SLC12A2: variants seen among roughly 807,000 people sequenced by gnomAD.
SLC12A2 encodes the protein Na-K-2Cl cotransporter 1.
A neutral mutation model predicts 136.3 loss-of-function variants in SLC12A2; 67 were observed. That is an observed-to-expected ratio of 0.49 (90% confidence interval 0.40 to 0.60). The LOEUF (loss-of-function observed/expected upper bound fraction) is 0.60, where lower values mean the gene tolerates loss of function less well. Among genes scored for constraint, SLC12A2 ranks in the 20% least tolerant of loss-of-function variants. The pLI, the probability that SLC12A2 is intolerant of heterozygous loss-of-function variation, is 0.00. For missense variants in SLC12A2, 1,322 were observed against 1,534.7 expected (o/e 0.86, Z 2.32); for synonymous variants, 619 against 562.9 (o/e 1.10, Z -1.41).
rs70997365 is a variant in SLC12A2 at position 128,179,948 on chromosome 5, C to CTTTTT, written c.3101-900_3101-896dup. Among the ~76,000 whole-genome samples, 15 of 50,482 alleles carry CTTTTT rather than the reference C, an allele frequency of 3.0e-4. 6 individuals carry two copies. The highest frequency in any genetic ancestry group is 4.0e-4 in the Non-Finnish European group (10 of 24,896). 33.1% of individuals were successfully genotyped at this position (50,482 alleles called of 152,430 possible). On this transcript the variant is annotated intron_variant, in intron 22 of 26. Coordinates refer to ENST00000262461, the MANE Select transcript of SLC12A2 (RefSeq NM_001046.3). The stretch of plus-strand genomic sequence containing the variant: ...TCCATTTATCATGTCCCAATCGTTC[C>CTTTTT]TTTTTTTTTTTTTTTTTTTTTTTTT...
At chr5:128,128,210 T>G (rs1430199326) in intron 4 of SLC12A2, among the ~76,000 whole-genome samples, 1 of 152,202 alleles carries the variant, frequency 6.6e-6, no homozygotes, top group Non-Finnish European at 1.5e-5. Flanking sequence ...ACTTTATGAC[T>G]GAAACCAGTT....
At chr5:128,127,791 C>T (rs989620016) in intron 4 of SLC12A2, among the ~76,000 whole-genome samples, 5 of 151,656 alleles carry the variant, frequency 3.3e-5, no homozygotes, top group African/African-American at 1.2e-4. Flanking sequence ...TGCTTTCATT[C>T]CTAATTTACT....
At chr5:128,168,120 A>G (rs1362602412) in intron 18 of SLC12A2, 22 of 272,114 alleles carry the variant, frequency 8.1e-5, no homozygotes, top group Middle Eastern at 1.1e-3. Flanking sequence ...ATGTATATGT[A>G]TATATGTATA....
rs1366320896 is a variant in SLC12A2 at position 128,110,893 on chromosome 5, A to C, written c.757-1921A>C. On this transcript the variant is annotated intron_variant, in intron 1 of 26. Coordinates refer to ENST00000262461, the MANE Select transcript of SLC12A2 (RefSeq NM_001046.3). ...CCAGGAATATGCCAATTTACAAGTG[A>C]GTGGGCCGCAAATCTGAGAGGGCAT... 4 of 1,129,812 alleles carry C rather than the reference A, an allele frequency of 3.5e-6. No homozygotes were observed. The East Asian group carries it at 9.4e-5, about 27-fold the overall frequency. The allele number at this position is 1,129,812 out of a possible 1,614,324, so 70.0% of individuals were successfully genotyped here. A position where few individuals can be genotyped will look rare whatever the true frequency, so the allele number is the denominator to read the frequency against.
chr5:128,084,130 A>T lies in SLC12A2; in HGVS notation c.176A>T (p.Glu59Val). 7.7e-7 allele frequency: 1 copy of T among 1,299,784 alleles called. No individual in the cohort carries two copies. The allele number at this position is 1,299,784 out of a possible 1,614,324, so 80.5% of individuals were successfully genotyped here. The stretch of plus-strand genomic sequence containing the variant: ...CGGGACGGCGGCGGGGTCCGCGATG[A>T]GGGCCCCGCGGCGGCCGGGGACGGG... ...ASRDGGGVRD[E>V]GPAAAGDGLG... is the part of the protein sequence containing the mutation. Residue 59 changes from glutamate (E) to valine (V), a missense_variant, in exon 1 of 27, where the codon GAG becomes GTG. This residue lies in a region of SLC12A2 where 358 missense variants were observed against 299.7 expected (regional missense o/e 1.19). Coordinates refer to ENST00000262461, the MANE Select transcript of SLC12A2 (RefSeq NM_001046.3). The surrounding 1 kb of genome is among the most constrained non-coding windows in gnomAD (Gnocchi z 5.6).
chr5:128,160,601 A>G (rs914385139), intron 16 of SLC12A2, among the ~76,000 whole-genome samples: 1 of 152,188 alleles, frequency 6.6e-6, no homozygotes, highest in Non-Finnish European at 1.5e-5. Context: ...AACTATTAAA[A>G]ATAATGAACC....
intron 9 of SLC12A2, among the ~76,000 whole-genome samples, chr5:128,139,523 C>T (rs1368245363): frequency 6.6e-6 from 1 of 152,168 alleles, no homozygotes; most frequent in African/African-American, 2.4e-5. Flanking sequence ...CAACCAGTCT[C>T]TAATCCTTTT....
chr5:128,180,367 A>G (rs1198383410), intron 22 of SLC12A2, among the ~76,000 whole-genome samples: 1 of 152,116 alleles, frequency 6.6e-6, no homozygotes, highest in Admixed American at 6.5e-5. Context: ...ACCCTTTCCA[A>G]GGAATGCTGG....
chr5:128,169,658 T>A (rs1763308120), intron 18 of SLC12A2: 1 of 152,156 alleles, frequency 6.6e-6, no homozygotes, highest in South Asian at 2.1e-4. Context: ...TATATAGGGA[T>A]TAGGGACAGA....
At chr5:128,174,743 T>C (rs1000914234) in intron 20 of SLC12A2, 77 bp downstream of exon 20, 1 of 1,151,120 alleles carries the variant, frequency 8.7e-7, no homozygotes, top group Non-Finnish European at 1.2e-6. Flanking sequence ...TTATATAATA[T>C]GTCTTATAAA....
At chr5:128,104,023 C>T (rs1000190889) in intron 1 of SLC12A2, among the ~76,000 whole-genome samples, 13 of 152,074 alleles carry the variant, frequency 8.5e-5, no homozygotes, top group African/African-American at 2.4e-4. Context: ...TATGACAGAT[C>T]GAAAGAATTC....
At chr5:128,112,970 T>A in intron 2 of SLC12A2, 37 bp downstream of exon 2, 1 of 1,509,360 alleles carries the variant, frequency 6.6e-7, no homozygotes, top group South Asian at 1.3e-5. Context: ...AGTTACAGCA[T>A]ATCTGTTGGT....
At chr5:128,171,331 A>T (rs535520483) in intron 18 of SLC12A2, among the ~76,000 whole-genome samples, 2 of 152,280 alleles carry the variant, frequency 1.3e-5, no homozygotes, top group East Asian at 3.9e-4. Context: ...GTATAAGCCC[A>T]AATATAAATA....
At chr5:128,143,861 CTA>C (rs1762444390) in intron 10 of SLC12A2, among the ~76,000 whole-genome samples, 1 of 149,508 alleles carries the variant, frequency 6.7e-6, no homozygotes, top group African/African-American at 2.5e-5. Flanking sequence ...CAATTTTTAA[CTA>C]AAATTTGTAA....
intron 15 of SLC12A2, among the ~76,000 whole-genome samples, chr5:128,156,488 A>G (rs1450431977): frequency 6.6e-6 from 1 of 152,198 alleles, no homozygotes; most frequent in African/African-American, 2.4e-5. Context: ...TTTTGGTATG[A>G]TCAGACTGTA....
chr5:128,184,503 T>C lies in SLC12A2; in HGVS notation c.3435+2T>C, dbSNP rs1763804793. The C allele has an allele frequency of 6.3e-7, 1 of 1,578,456 alleles. No homozygotes were observed. The highest frequency in any genetic ancestry group is 8.6e-7 in the Non-Finnish European group (1 of 1,168,918). The stretch of plus-strand genomic sequence containing the variant: ...GAGCTTGAACTTTATAAGACCAAGG[T>C]ATTCTCTTCTGCTTCCTTTTCATTA... On this transcript the variant is annotated splice_donor_variant, in intron 25 of 26. Transcript: ENST00000262461. LOFTEE classifies it high-confidence loss of function.
Position 128,126,966 on chromosome 5 carries a change from A to ATTTTTT in SLC12A2, c.1049-4085_1049-4080dup, listed in dbSNP as rs1554105175. Among the ~76,000 whole-genome samples, 50 of 21,148 alleles carry ATTTTTT rather than the reference A, an allele frequency of 2.4e-3. 4 individuals are homozygous for ATTTTTT. The highest frequency in any genetic ancestry group is 3.3e-3 in the East Asian group (4 of 1,214). 13.9% of individuals were successfully genotyped at this position (21,148 alleles called of 152,430 possible). Reference sequence around the variant, plus strand: ...CATATATATATATATATATATATATATTTTTTTTTTTTTTTTTTTTTGCAT... The same window carrying ATTTTTT: ...CATATATATATATATATATATATATATTTTTTTTTTTTTTTTTTTTTTTTTTTGCAT... On this transcript the variant is annotated intron_variant, in intron 4 of 26. Coordinates refer to ENST00000262461, the MANE Select transcript of SLC12A2 (RefSeq NM_001046.3).
At chr5:128,130,325 G>A (rs1171559122) in intron 4 of SLC12A2, among the ~76,000 whole-genome samples, 1 of 152,016 alleles carries the variant, frequency 6.6e-6, no homozygotes, top group Non-Finnish European at 1.5e-5. Flanking sequence ...GACCATCCTG[G>A]CCAACATGGT....
At position 128,110,426 on chromosome 5, in the gene SLC12A2, C is replaced by T. The variant is rs541803969; in HGVS notation, c.757-2388C>T. 4.6e-5 allele frequency: 51 copies of T among 1,116,608 alleles called. No individual in the cohort carries two copies. In the African/African-American group the frequency reaches 5.5e-4, roughly 12 times the overall value. 69.2% of individuals were successfully genotyped at this position (1,116,608 alleles called of 1,614,324 possible). ...CTGTCTTGAGAGGGCAAGACAGCCG[C>T]AAAGGAGACTTGAGCTGGTTAAACT... On this transcript the variant is annotated intron_variant, in intron 1 of 26. Transcript: ENST00000262461.
Sources: gnomAD v4.1 joint callset for allele counts (sites outside exome capture counted in the v4.1 genomes callset) on GRCh38, gnomAD v4.1.1 for gene constraint, gnomAD v4.1.1 regional missense constraint, Gnocchi (gnomAD v3.1) non-coding constraint, MANE v1.5 for transcripts, NCBI Gene and HGNC (gene_info 2026-07-23, HGNC 2026-07-21) for gene names.